The following EPHA6 variants were observed in gnomAD, a reference collection of about 807,000 sequenced individuals.
EPHA6 encodes the protein EPH receptor A6, also known as ephrin type-A receptor 6.
A neutral mutation model predicts 112.0 loss-of-function variants in EPHA6; 50 were observed. The observed-to-expected ratio is 0.45, with a 90% CI of 0.36 to 0.56. The LOEUF is 0.56. Among genes scored for constraint, EPHA6 ranks in the 20% least tolerant of loss-of-function variants. The pLI is 0.00. For missense variants in EPHA6, 1,280 were observed against 1,417.4 expected (o/e 0.90, Z 1.56); for synonymous variants, 529 against 490.7 (o/e 1.08, Z -1.03).
intron 13 of EPHA6, among the ~76,000 whole-genome samples, chr3:97,636,171 AC>A (rs2093943474): frequency 6.6e-6 from 1 of 152,032 alleles, no homozygotes; most frequent in Non-Finnish European, 1.5e-5. Flanking sequence ...ATTCACTACT[AC>A]TTTAAAATTC....
intron 11 of EPHA6, among the ~76,000 whole-genome samples, chr3:97,551,283 A>G (rs555930797): frequency 6.6e-6 from 1 of 152,296 alleles, no homozygotes; most frequent in Admixed American, 6.5e-5. Flanking sequence ...GAAATAGAGC[A>G]CAGTCTTCTG....
intron 3 of EPHA6, among the ~76,000 whole-genome samples, chr3:97,195,939 T>C (rs1334426606): frequency 6.6e-6 from 1 of 152,078 alleles, no homozygotes; most frequent in Non-Finnish European, 1.5e-5. Context: ...TTTTATGAGT[T>C]TGATTATTAA....
chr3:97,079,978 A>G (rs1409598754), intron 3 of EPHA6, among the ~76,000 whole-genome samples: 1 of 151,938 alleles, frequency 6.6e-6, no homozygotes, highest in Non-Finnish European at 1.5e-5. Flanking sequence ...CATTTAATAG[A>G]ATGCACTGTA....
intron 6 of EPHA6, among the ~76,000 whole-genome samples, chr3:97,444,218 TCC>T (rs2090244919): frequency 6.6e-6 from 1 of 152,066 alleles, no homozygotes; most frequent in African/African-American, 2.4e-5. Flanking sequence ...TTACATTTAA[TCC>T]AATTAATTTA....
intron 14 of EPHA6, among the ~76,000 whole-genome samples, chr3:97,692,651 G>A (rs556939961): frequency 2.6e-5 from 4 of 152,084 alleles, no homozygotes; most frequent in Non-Finnish European, 5.9e-5. Context: ...TGTGTGACTC[G>A]TTTGCTTTTA....
chr3:97,512,942 G>A (rs181232844), intron 10 of EPHA6, among the ~76,000 whole-genome samples: 49 of 152,172 alleles, frequency 3.2e-4, no homozygotes, highest in Middle Eastern at 3.4e-3. Flanking sequence ...TCCCATACTG[G>A]GGTAAATGAT....
At chr3:97,448,792 A>C in intron 7 of EPHA6, 62 bp downstream of exon 7, 1 of 1,547,454 alleles carries the variant, frequency 6.5e-7, no homozygotes, top group Non-Finnish European at 8.9e-7. Context: ...ATTTGACCTG[A>C]TATTTTAAAA....
intron 12 of EPHA6, among the ~76,000 whole-genome samples, chr3:97,607,919 A>T (rs964612480): frequency 2.6e-5 from 4 of 151,134 alleles, no homozygotes; most frequent in Non-Finnish European, 5.9e-5. Flanking sequence ...CTCACCTAAA[A>T]CAGATTTAAA....
chr3:97,291,251 T>C (rs547442792), intron 5 of EPHA6, among the ~76,000 whole-genome samples: 8 of 152,354 alleles, frequency 5.3e-5, no homozygotes, highest in Admixed American at 4.6e-4. Context: ...GTTGAGAAGA[T>C]TTCAATTTTT....
intron 11 of EPHA6, among the ~76,000 whole-genome samples, chr3:97,576,141 G>T (rs2093382234): frequency 6.6e-6 from 1 of 152,028 alleles, no homozygotes; most frequent in African/African-American, 2.4e-5. Context: ...GAATAGGAAA[G>T]TTATCTCAAA....
At chr3:97,561,457 C>T (rs1024532447) in intron 11 of EPHA6, among the ~76,000 whole-genome samples, 1 of 152,090 alleles carries the variant, frequency 6.6e-6, no homozygotes, top group South Asian at 2.1e-4. Context: ...CAAACCACAA[C>T]ATTCCCTTAA....
chr3:97,379,221 C>T (rs935234944), intron 5 of EPHA6, among the ~76,000 whole-genome samples: 1 of 152,146 alleles, frequency 6.6e-6, no homozygotes, highest in Admixed American at 6.5e-5. Flanking sequence ...CAGCTCCCAT[C>T]ATGATTCTGA....
At chr3:97,585,179 T>G (rs1202503253) in intron 11 of EPHA6, among the ~76,000 whole-genome samples, 1 of 152,192 alleles carries the variant, frequency 6.6e-6, no homozygotes. Flanking sequence ...TAAATAGACT[T>G]TTAGAGCTTA....
intron 5 of EPHA6, among the ~76,000 whole-genome samples, chr3:97,359,362 A>G (rs1041947547): frequency 6.7e-6 from 1 of 149,758 alleles, no homozygotes; most frequent in South Asian, 2.1e-4. Flanking sequence ...TATTTCAGTT[A>G]TTGTATTTTT....
intron 16 of EPHA6, 106 bp from the exon 17 acceptor site, chr3:97,747,317 C>T: frequency 2.0e-6 from 2 of 990,646 alleles, no homozygotes; most frequent in Non-Finnish European, 2.8e-6. Context: ...AGAATAAAAA[C>T]ATTAGATGTA....
intron 3 of EPHA6, among the ~76,000 whole-genome samples, chr3:97,181,587 G>T (rs527814620): frequency 1.3e-5 from 2 of 150,778 alleles, no homozygotes; most frequent in Non-Finnish European, 2.9e-5. Flanking sequence ...ATATATATAT[G>T]TGTGTGTGTG....
At chr3:97,515,671 CAGTG>C (rs2092436166) in intron 10 of EPHA6, among the ~76,000 whole-genome samples, 1 of 152,108 alleles carries the variant, frequency 6.6e-6, no homozygotes, top group Admixed American at 6.6e-5. Flanking sequence ...GTAGATGTAT[CAGTG>C]AGTTTGAAAA....
At chr3:96,847,916 T>C (rs1014591733) in intron 1 of EPHA6, among the ~76,000 whole-genome samples, 1 of 152,120 alleles carries the variant, frequency 6.6e-6, no homozygotes, top group East Asian at 1.9e-4. Context: ...CAAAAGCCAA[T>C]GTTAAGATGG....
At chr3:97,525,387 C>A (rs908031337) in intron 10 of EPHA6, among the ~76,000 whole-genome samples, 15 of 152,126 alleles carry the variant, frequency 9.9e-5, no homozygotes, top group Admixed American at 3.3e-4. Context: ...TTCATTCATG[C>A]ATTGTTCTCC....
Sources: allele counts gnomAD v4.1 joint callset (sites outside exome capture counted in the v4.1 genomes callset), GRCh38; gene constraint gnomAD v4.1.1; transcripts MANE v1.5; gene names NCBI Gene and HGNC (gene_info 2026-07-23, HGNC 2026-07-21).